FGF14: variants seen among roughly 807,000 people sequenced by gnomAD.
FGF14 encodes fibroblast growth factor 14.
Under a neutral mutation model 25.5 loss-of-function variants are expected in FGF14, and 5 were observed. That is an observed-to-expected ratio of 0.20 (90% CI 0.10 to 0.41). The LOEUF (loss-of-function observed/expected upper bound fraction) is 0.41, where lower values mean the gene tolerates loss of function less well. Among genes scored for constraint, FGF14 ranks in the 10% least tolerant of loss-of-function variants. FGF14 has a pLI of 1.00. For synonymous variants in FGF14, 138 were observed against 118.3 expected (o/e 1.17, Z -1.08); for missense variants, 222 against 320.1 (o/e 0.69, Z 2.34).
chr13:101,777,886 C>T (rs576195368), intron 3 of FGF14, among the ~76,000 whole-genome samples: 1 of 152,020 alleles, frequency 6.6e-6, no homozygotes, highest in African/African-American at 2.4e-5. Context: ...ATCGCTTGAA[C>T]CCAGGAGGTG....
At chr13:102,300,358 G>A (rs545576715) in intron 1 of FGF14, 1 of 151,120 alleles carries the variant, frequency 6.6e-6, no homozygotes, top group East Asian at 1.9e-4. Flanking sequence ...TCTATGCCTC[G>A]AGAATCTCAC....
intron 3 of FGF14, among the ~76,000 whole-genome samples, chr13:101,771,831 T>TA (rs973380249): frequency 6.6e-6 from 1 of 152,040 alleles, no homozygotes; most frequent in African/African-American, 2.4e-5. Flanking sequence ...ATACATACTT[T>TA]AAAGGAGAGG....
intron 3 of FGF14, among the ~76,000 whole-genome samples, chr13:101,756,142 G>T (rs1192876455): frequency 6.6e-6 from 1 of 152,158 alleles, no homozygotes; most frequent in African/African-American, 2.4e-5. Flanking sequence ...ATACAATAAT[G>T]ATAAAGCCAC....
At chr13:102,104,762 G>A (rs552076447) in intron 1 of FGF14, among the ~76,000 whole-genome samples, 4 of 152,222 alleles carry the variant, frequency 2.6e-5, no homozygotes, top group African/African-American at 9.6e-5. Flanking sequence ...CTCCAGCCTG[G>A]ACAACAGAAC....
At chr13:102,288,072 C>T (rs1317606570) in intron 1 of FGF14, among the ~76,000 whole-genome samples, 3 of 152,198 alleles carry the variant, frequency 2.0e-5, no homozygotes, top group Non-Finnish European at 4.4e-5. Context: ...AATTCAAAGG[C>T]TCTTCTACAT....
At chr13:102,376,332 TC>T (rs1224157683) in intron 1 of FGF14, among the ~76,000 whole-genome samples, 1 of 152,170 alleles carries the variant, frequency 6.6e-6, no homozygotes, top group East Asian at 1.9e-4. Context: ...TTATGAGGCC[TC>T]CCCAGCCATG....
intron 1 of FGF14, among the ~76,000 whole-genome samples, chr13:102,211,748 T>A (rs9513994): frequency 0.55 from 84,243 of 152,020 alleles, 23,513 homozygotes; most frequent in East Asian, 0.68. Flanking sequence ...TCAAAAAGAG[T>A]TCAAGATCAG....
intron 1 of FGF14, among the ~76,000 whole-genome samples, chr13:102,077,920 T>C (rs1164557931): frequency 6.6e-6 from 1 of 152,164 alleles, no homozygotes; most frequent in Non-Finnish European, 1.5e-5. Context: ...ATTTTTTAAA[T>C]GTGGTATATA....
chr13:101,981,532 A>G (rs904755695), intron 1 of FGF14, among the ~76,000 whole-genome samples: 2 of 152,202 alleles, frequency 1.3e-5, no homozygotes, highest in Non-Finnish European at 2.9e-5. Context: ...AGACATGGAA[A>G]AGTTAGGTGG....
intron 1 of FGF14, among the ~76,000 whole-genome samples, chr13:101,973,424 T>C (rs1031241953): frequency 5.9e-5 from 9 of 152,188 alleles, no homozygotes; most frequent in African/African-American, 2.2e-4. Context: ...TTACACTGGA[T>C]GAACGTATTA....
chr13:101,784,142 T>G (rs530024942), intron 3 of FGF14, among the ~76,000 whole-genome samples: 3 of 152,302 alleles, frequency 2.0e-5, no homozygotes, highest in Non-Finnish European at 4.4e-5. Context: ...TCCTCTAACT[T>G]ATCCTGTACA....
chr13:102,084,297 A>C (rs2043784747), intron 1 of FGF14, among the ~76,000 whole-genome samples: 1 of 152,186 alleles, frequency 6.6e-6, no homozygotes, highest in Non-Finnish European at 1.5e-5. Flanking sequence ...GCCCTACTAG[A>C]ATATCAACTC....
chr13:102,375,643 T>C (rs908456568), intron 1 of FGF14, among the ~76,000 whole-genome samples: 6 of 152,196 alleles, frequency 3.9e-5, no homozygotes, highest in Non-Finnish European at 8.8e-5. Flanking sequence ...TAGTTCCTAT[T>C]TTAGGTTATA....
At chr13:101,832,755 T>C (rs768405779) in intron 3 of FGF14, among the ~76,000 whole-genome samples, 4 of 152,024 alleles carry the variant, frequency 2.6e-5, no homozygotes, top group East Asian at 1.9e-4. Context: ...ACATGAACTT[T>C]TAAATGAAGA....
intron 1 of FGF14, among the ~76,000 whole-genome samples, chr13:102,240,397 T>C (rs1344568194): frequency 1.3e-5 from 2 of 152,198 alleles, no homozygotes; most frequent in African/African-American, 2.4e-5. Flanking sequence ...CTGCAAAGCA[T>C]GCTTTCCTTG....
At chr13:101,967,876 T>A (rs2037316139) in intron 1 of FGF14, 1 of 152,584 alleles carries the variant, frequency 6.6e-6, no homozygotes, top group Non-Finnish European at 1.5e-5. Flanking sequence ...GAAAATCTGA[T>A]ACATGAACAC....
At chr13:101,726,839 G>T (rs753094614) in intron 3 of FGF14, 29 bp from the exon 4 acceptor site, 1 of 1,521,458 alleles carries the variant, frequency 6.6e-7, no homozygotes, top group South Asian at 1.1e-5. Context: ...ACAAAAGTTA[G>T]AGGAAGGAAC....
intron 3 of FGF14, among the ~76,000 whole-genome samples, chr13:101,784,776 C>G (rs978887736): frequency 6.6e-6 from 1 of 152,124 alleles, no homozygotes; most frequent in Non-Finnish European, 1.5e-5. Context: ...GTGTCTTGAA[C>G]TGTTTAAGAC....
intron 1 of FGF14, among the ~76,000 whole-genome samples, chr13:102,310,933 C>A (rs1170522603): frequency 2.0e-5 from 3 of 151,934 alleles, no homozygotes; most frequent in Non-Finnish European, 4.4e-5. Flanking sequence ...GCATCCAGGG[C>A]GTGACCTAAT....
Sources: gnomAD v4.1 joint callset for allele counts (sites outside exome capture counted in the v4.1 genomes callset) on GRCh38, gnomAD v4.1.1 for gene constraint, MANE v1.5 for transcripts, NCBI Gene and HGNC (gene_info 2026-07-23, HGNC 2026-07-21) for gene names.